GPR84: variants seen among roughly 807,000 people sequenced by gnomAD.
GPR84 encodes the protein G protein-coupled receptor 84, also known as G-protein coupled receptor 84.
GPR84 carries 8 observed loss-of-function variants against 14.9 expected under a neutral mutation model. That is an observed-to-expected ratio of 0.54 (90% CI 0.31 to 0.97). The LOEUF (loss-of-function observed/expected upper bound fraction) is 0.97. GPR84 is among the 50% of genes least tolerant of loss of function. The pLI is 0.04. For synonymous variants in GPR84, 164 were observed against 198.1 expected (o/e 0.83, Z 1.45); for missense variants, 424 against 498.7 (o/e 0.85, Z 1.43).
At chr12:54,361,016 G>A (rs779542645), downstream of GPR84, among the ~76,000 whole-genome samples, 1 of 152,152 alleles carries the variant, frequency 6.6e-6, no homozygotes, top group African/African-American at 2.4e-5. The surrounding 1 kb of genome is among the most constrained non-coding windows in gnomAD (Gnocchi z 4.3). Flanking sequence ...GAAAGGAAAC[G>A]CAGAGAACCA....
At chr12:54,351,681 T>G in the GPR84 span, 1 of 152,212 alleles carries the variant, frequency 6.6e-6, no homozygotes, top group Non-Finnish European at 1.5e-5. Flanking sequence ...TCCTGAGACT[T>G]AAGCATTCTG....
the GPR84 span, among the ~76,000 whole-genome samples, chr12:54,355,327 A>AGTGT: frequency 0.058 from 8,571 of 146,866 alleles, 492 homozygotes; most frequent in African/African-American, 0.15. Flanking sequence ...TGTGTGTGTG[A>AGTGT]GTGTGTGTGT....
chr12:54,353,823 G>A, the GPR84 span: 4 of 152,364 alleles, frequency 2.6e-5, no homozygotes, highest in African/African-American at 9.6e-5. Flanking sequence ...ACAGAGTGGA[G>A]GAGGTGAATG....
downstream of GPR84, among the ~76,000 whole-genome samples, chr12:54,360,403 CCA>C (rs1954256895): frequency 6.6e-6 from 1 of 152,050 alleles, no homozygotes; most frequent in Non-Finnish European, 1.5e-5. Context: ...AATCTGAGCC[CCA>C]GAGTGGTCCA....
chr12:54,362,387 T>C, downstream of GPR84: 1 of 362,786 alleles, frequency 2.8e-6, no homozygotes. The surrounding 1 kb of genome is among the most constrained non-coding windows in gnomAD (Gnocchi z 4.0). Flanking sequence ...CCTCCTAGCC[T>C]GGCCCCTGAG....
At chr12:54,363,922 T>G in intron 1 of GPR84, 63 bp from the exon 2 acceptor site, 115 of 1,103,492 alleles carry the variant, frequency 1.0e-4, no homozygotes, top group Non-Finnish European at 1.3e-4. Context: ...CTTAGATCTC[T>G]TGAACAGTTC....
At chr12:54,363,992 C>A in intron 1 of GPR84, 133 bp from the exon 2 acceptor site, 1 of 578,948 alleles carries the variant, frequency 1.7e-6, no homozygotes, top group African/African-American at 1.8e-5. Flanking sequence ...TCCTCCTGAA[C>A]CATTCCCAGG....
chr12:54,358,561 CTT>C (rs1954233294), downstream of GPR84, among the ~76,000 whole-genome samples: 1 of 152,070 alleles, frequency 6.6e-6, no homozygotes, highest in South Asian at 2.1e-4. Context: ...CTTTCTCTGT[CTT>C]TGCTTCTCTA....
downstream of GPR84, among the ~76,000 whole-genome samples, chr12:54,361,697 G>A (rs957859194): frequency 4.6e-5 from 7 of 152,114 alleles, no homozygotes; most frequent in Non-Finnish European, 7.4e-5. The surrounding 1 kb of genome is among the most constrained non-coding windows in gnomAD (Gnocchi z 4.3). Context: ...TAGTAGAGAC[G>A]GGGTTTCACC....
At chr12:54,355,975 A>G in the GPR84 span, among the ~76,000 whole-genome samples, 1 of 152,178 alleles carries the variant, frequency 6.6e-6, no homozygotes, top group African/African-American at 2.4e-5. Context: ...TAGGCCTCTG[A>G]AGGAAAACCT....
chr12:54,363,531 G>A lies in GPR84; in HGVS notation c.321C>T (p.Ser107=). Residue 107 remains serine, a synonymous_variant, in exon 2 of 2, where the codon TCC becomes TCT. Transcript: ENST00000267015. ...GLLLFASNSV[S]ILTLCLIALG... ...GTGCGATGAGGCAGAGGGTCAGGAT[G>A]GAGACAGAATTGGAGGCAAAAAGGA... 1 of 1,614,070 alleles carries A rather than the reference G, an allele frequency of 6.2e-7. No individual in the cohort carries two copies. Among genetic ancestry groups the A allele is most frequent in the Non-Finnish European group, 8.5e-7 (1 of 1,179,976 alleles).
chr12:54,356,922 G>C, the GPR84 span, among the ~76,000 whole-genome samples: 28,741 of 152,166 alleles, frequency 0.19, 3,605 homozygotes, highest in African/African-American at 0.35. Flanking sequence ...TGGGTGGAGG[G>C]GGGTGGTGTG....
At position 54,362,955 on chromosome 12, in the gene GPR84, C is replaced by T. The variant is rs773458638; in HGVS notation, c.897G>A (p.Gln299=). ...GAGCTCTTCTGGCTCCTTTAATTGG[C>T]TGGGCTTTGGCAGATGCTTCTGGAG... The part of the protein sequence containing the change: ...KSPPEASAKA[Q]PIKGARRAPD... The change falls in exon 2 of 2, where the codon CAG becomes CAA. Residue 299 remains glutamine, a synonymous_variant. Transcript: ENST00000267015. This position sits in a 1 kb window ranked among gnomAD's most constrained non-coding sequence, Gnocchi z 4.0. The T allele has an allele frequency of 1.9e-6, 3 of 1,614,246 alleles. No individual in the cohort carries two copies. The highest frequency in any genetic ancestry group is 4.5e-5 in the East Asian group (2 of 44,894).
At chr12:54,358,615 C>G (rs1954233954), downstream of GPR84, among the ~76,000 whole-genome samples, 1 of 152,090 alleles carries the variant, frequency 6.6e-6, no homozygotes, top group South Asian at 2.1e-4. Flanking sequence ...AAGGAAATTT[C>G]CGTCTCTTAT....
At chr12:54,359,463 T>G, downstream of GPR84, among the ~76,000 whole-genome samples, 1 of 5,672 alleles carries the variant, frequency 1.8e-4, no homozygotes, top group African/African-American at 5.1e-4. Flanking sequence ...AGAGACGAGC[T>G]TAGGAGAAAA....
chr12:54,361,142 C>T (rs376674197), downstream of GPR84, among the ~76,000 whole-genome samples: 3 of 151,950 alleles, frequency 2.0e-5, no homozygotes, highest in South Asian at 6.2e-4. This position sits in a 1 kb window ranked among gnomAD's most constrained non-coding sequence, Gnocchi z 4.3. Flanking sequence ...GCCCCTGAGC[C>T]CTTTTAACTA....
At chr12:54,354,370 G>A in the GPR84 span, among the ~76,000 whole-genome samples, 1 of 152,018 alleles carries the variant, frequency 6.6e-6, no homozygotes, top group Admixed American at 6.5e-5. Flanking sequence ...ACCTGCCTTG[G>A]CCTCCCAAAG....
Position 54,363,264 on chromosome 12 carries a change from G to A in GPR84, c.588C>T (p.Ile196=). The A allele has an allele frequency of 6.2e-7, 1 of 1,614,110 alleles. No individual in the cohort carries two copies. The highest frequency in any genetic ancestry group is 1.1e-5 in the South Asian group (1 of 91,088). ...YFVLGLSSVG[I]FYCLIHRQVK... ...CCTGGCGGTGGATGAGGCAATAGAA[G>A]ATGCCAACACTGCTGAGCCCAAGCA... The change falls in exon 2 of 2, where the codon ATC becomes ATT. Residue 196 remains isoleucine, a synonymous_variant. Transcript: ENST00000267015.
intron 1 of GPR84, 166 bp from the exon 2 acceptor site, chr12:54,364,025 ACT>A: frequency 2.0e-6 from 1 of 511,434 alleles, no homozygotes; most frequent in South Asian, 3.6e-5. Context: ...AAGATCCCTA[ACT>A]CTCTCCTTAG....
Sources: gnomAD v4.1 joint callset for allele counts (sites outside exome capture counted in the v4.1 genomes callset) on GRCh38, gnomAD v4.1.1 for gene constraint, Gnocchi (gnomAD v3.1) non-coding constraint, MANE v1.5 for transcripts, NCBI Gene and HGNC (gene_info 2026-07-23, HGNC 2026-07-21) for gene names.